ALCAM: variants seen among roughly 807,000 people sequenced by gnomAD.
ALCAM encodes the protein CD166 antigen.
A neutral mutation model predicts 70.9 loss-of-function variants in ALCAM; 30 were observed. That is an observed-to-expected ratio of 0.42 (90% CI 0.32 to 0.57). The LOEUF (loss-of-function observed/expected upper bound fraction) is 0.57, where lower values mean the gene tolerates loss of function less well. Ranked by LOEUF, ALCAM falls within the 20% of genes least tolerant of loss-of-function variation. ALCAM has a pLI of 0.11. For synonymous variants in ALCAM, 249 were observed against 242.5 expected, an observed-to-expected ratio of 1.03 and a Z score of -0.25; for missense variants, 591 against 695.1, an observed-to-expected ratio of 0.85 and a Z score of 1.68.
chr3:105,504,688 T>C (rs1939020473), intron 1 of ALCAM, among the ~76,000 whole-genome samples: 1 of 152,194 alleles, frequency 6.6e-6, no homozygotes, highest in Non-Finnish European at 1.5e-5. Flanking sequence ...ACCACCTGTG[T>C]GTCTCTGCCT....
At chr3:105,521,773 G>A (rs762429276) in intron 2 of ALCAM, among the ~76,000 whole-genome samples, 1 of 152,176 alleles carries the variant, frequency 6.6e-6, no homozygotes, top group Non-Finnish European at 1.5e-5. Flanking sequence ...ACCATACTAT[G>A]CTCGTGTGAG....
chr3:105,380,687 A>G (rs1286688394), intron 1 of ALCAM, among the ~76,000 whole-genome samples: 1 of 151,954 alleles, frequency 6.6e-6, no homozygotes, highest in African/African-American at 2.4e-5. Context: ...AGAAAATTGT[A>G]TAATATCACA....
chr3:105,540,042 C>T lies in ALCAM; in HGVS notation c.798C>T (p.Ile266=), dbSNP rs755231406. 6.2e-7 allele frequency: 1 copy of T among 1,612,540 alleles called. No homozygotes were observed. Among genetic ancestry groups the T allele is most frequent in the Non-Finnish European group, 8.5e-7 (1 of 1,178,896 alleles). Residue 266 remains isoleucine, a synonymous_variant, in exon 7 of 16, where the codon ATC becomes ATT. Transcript: ENST00000306107. ...PKNAIKEGDN[I]TLKCLGNGNP... is the part of the protein sequence containing the mutation. ...ATGCCATCAAAGAAGGGGATAACAT[C>T]ACTCTTAAATGCTTAGGGAATGGCA...
At chr3:105,454,354 A>G (rs919085095) in intron 1 of ALCAM, among the ~76,000 whole-genome samples, 4 of 152,210 alleles carry the variant, frequency 2.6e-5, no homozygotes, top group Non-Finnish European at 5.9e-5. Flanking sequence ...ATTTCTTGGC[A>G]TGAAGTACTA....
chr3:105,558,797 G>A (rs185599169), intron 14 of ALCAM, among the ~76,000 whole-genome samples: 100 of 152,174 alleles, frequency 6.6e-4, no homozygotes, highest in Non-Finnish European at 1.3e-3. Flanking sequence ...GTCCCTGCAT[G>A]TAACCTGCCA....
chr3:105,475,752 G>C (rs1394186920), intron 1 of ALCAM, among the ~76,000 whole-genome samples: 2 of 151,792 alleles, frequency 1.3e-5, no homozygotes, highest in Non-Finnish European at 2.9e-5. Context: ...ATCTGTCATA[G>C]CTTCTCCCAG....
At chr3:105,381,346 C>G (rs949391033) in intron 1 of ALCAM, among the ~76,000 whole-genome samples, 1 of 151,924 alleles carries the variant, frequency 6.6e-6, no homozygotes, top group African/African-American at 2.4e-5. Context: ...CCAGCTGTAG[C>G]TCCTCTCCAC....
In ALCAM at chr3:105,529,576, A is replaced by G. The variant is rs950197526; in HGVS notation, c.395-2426A>G. On this transcript the variant is annotated intron_variant, in intron 3 of 15. Transcript: ENST00000306107. ...AATAACTCAGGAAAATGAAATAAGT[A>G]TTACCATTACATTCACAATACTCAC... 2.6e-5 allele frequency among the ~76,000 whole-genome samples: 4 copies of G among 152,272 alleles called. No individual in the cohort carries two copies. The South Asian group carries it at 8.3e-4, about 32-fold the overall frequency.
chr3:105,505,879 C>T (rs1429531941), intron 1 of ALCAM, among the ~76,000 whole-genome samples: 1 of 151,884 alleles, frequency 6.6e-6, no homozygotes, highest in Non-Finnish European at 1.5e-5. Context: ...ATTGGCTTTC[C>T]CACAGAAATC....
At chr3:105,374,481 GA>G (rs1317360882) in intron 1 of ALCAM, among the ~76,000 whole-genome samples, 1 of 152,040 alleles carries the variant, frequency 6.6e-6, no homozygotes, top group African/African-American at 2.4e-5. Context: ...TGGTCACTAA[GA>G]AATCTTCTAA....
At chr3:105,368,509 C>T (rs1935141095) in intron 1 of ALCAM, among the ~76,000 whole-genome samples, 1 of 151,804 alleles carries the variant, frequency 6.6e-6, no homozygotes, top group African/African-American at 2.4e-5. Context: ...TAGACAGTTG[C>T]CAGTTAAACT....
chr3:105,551,062 G>T (rs1026992059), intron 12 of ALCAM, among the ~76,000 whole-genome samples: 2 of 151,532 alleles, frequency 1.3e-5, no homozygotes, highest in African/African-American at 4.8e-5. Context: ...TCTTCATTCA[G>T]TTGGAAACCT....
In ALCAM at chr3:105,466,811, T is replaced by A. The variant is rs543886519; in HGVS notation, c.74-53256T>A. ...AATGCTAGAAGCCTGGATGTTGGAT[T>A]TTTTTTTCACAAGGAGACTCAGTGT... On this transcript the variant is annotated intron_variant, in intron 1 of 15. Coordinates refer to ENST00000306107, the MANE Select transcript of ALCAM (RefSeq NM_001627.4). Among the ~76,000 whole-genome samples the A allele has an allele frequency of 2.0e-5, 3 of 151,428 alleles. No individual in the cohort carries two copies. In the Admixed American group the frequency reaches 2.0e-4, roughly 10 times the overall value.
chr3:105,384,979 G>C (rs1044914242), intron 1 of ALCAM, among the ~76,000 whole-genome samples: 6 of 151,390 alleles, frequency 4.0e-5, no homozygotes, highest in Non-Finnish European at 7.4e-5. Context: ...TAAGATTCTG[G>C]ATTAATCAAA....
chr3:105,438,441 A>C (rs1281986526), intron 1 of ALCAM, among the ~76,000 whole-genome samples: 4 of 152,130 alleles, frequency 2.6e-5, no homozygotes, highest in Admixed American at 1.3e-4. Context: ...AACATGAAAA[A>C]TCTCTATAAT....
chr3:105,530,282 A>G (rs1346961377), intron 3 of ALCAM, among the ~76,000 whole-genome samples: 1 of 152,054 alleles, frequency 6.6e-6, no homozygotes, highest in Non-Finnish European at 1.5e-5. Context: ...AATAAGATTC[A>G]GTGTTTCATC....
chr3:105,560,334 C>T (rs577040126), intron 14 of ALCAM, among the ~76,000 whole-genome samples: 3 of 152,186 alleles, frequency 2.0e-5, no homozygotes, highest in African/African-American at 7.2e-5. Flanking sequence ...CTTATATCTT[C>T]CTTTGTGAAG....
At chr3:105,508,730 G>C (rs1939148956) in intron 1 of ALCAM, among the ~76,000 whole-genome samples, 1 of 152,056 alleles carries the variant, frequency 6.6e-6, no homozygotes, top group Non-Finnish European at 1.5e-5. Context: ...TTTTGTGTGT[G>C]ATGAGAGTAC....
At chr3:105,416,397 A>G (rs979973525) in intron 1 of ALCAM, among the ~76,000 whole-genome samples, 2 of 152,046 alleles carry the variant, frequency 1.3e-5, no homozygotes, top group Non-Finnish European at 2.9e-5. Context: ...TCAGTTCTTA[A>G]TTTTTCTACT....
Sources: allele counts gnomAD v4.1 joint callset (sites outside exome capture counted in the v4.1 genomes callset), GRCh38; gene constraint gnomAD v4.1.1; transcripts MANE v1.5; gene names NCBI Gene and HGNC (gene_info 2026-07-23, HGNC 2026-07-21).